LRTM2: variants seen among roughly 807,000 people sequenced by gnomAD.
LRTM2 encodes leucine rich repeat transmembrane protein 2.
Under a neutral mutation model 28.1 loss-of-function variants are expected in LRTM2, and 18 were observed. The ratio of observed to expected loss-of-function variants is 0.64; its 90% CI spans 0.44 to 0.95. LRTM2 has a LOEUF of 0.95. Ranked by LOEUF, LRTM2 falls within the 40% of genes least tolerant of loss-of-function variation. The pLI is 0.00. For synonymous variants in LRTM2, 250 were observed against 218.7 expected (o/e 1.14, Z -1.26); for missense variants, 436 against 497.2 (o/e 0.88, Z 1.17).
rs1324263360 is a variant in LRTM2, at chr12:1,820,611, C to G, written c.-462C>G. On this transcript the variant is annotated 5_prime_UTR_variant, in exon 1 of 5. Coordinates refer to ENST00000299194, the MANE Select transcript of LRTM2 (RefSeq NM_001039029.3). The surrounding 1 kb of genome is among the most constrained non-coding windows in gnomAD (Gnocchi z 6.0). Reference sequence around the variant, plus strand: ...TTTGTGACTGACCCAGCAGCCCCGTCCCCCGTCTGCCACAAGCAGTCCACC... The same window carrying G: ...TTTGTGACTGACCCAGCAGCCCCGTGCCCCGTCTGCCACAAGCAGTCCACC... The G allele has an allele frequency of 6.6e-6, 1 of 152,490 alleles. No individual in the cohort carries two copies. The highest frequency in any genetic ancestry group is 1.5e-5 in the Non-Finnish European group (1 of 68,214). The allele number at this position is 152,490 out of a possible 1,614,324, so 9.4% of individuals were successfully genotyped here.
intron 1 of LRTM2, among the ~76,000 whole-genome samples, chr12:1,823,001 G>GC (rs1864170700): frequency 6.6e-6 from 1 of 152,216 alleles, no homozygotes; most frequent in Admixed American, 6.5e-5. Flanking sequence ...CTTCTCTCTG[G>GC]CCTTCTGCAG....
At position 1,831,183 on chromosome 12, in the gene LRTM2, C is replaced by A. The variant is rs988240534; in HGVS notation, c.316C>A (p.Arg106=). 2.5e-6 allele frequency: 4 copies of A among 1,613,920 alleles called. No individual in the cohort carries two copies. In the Middle Eastern group the frequency reaches 4.9e-4, roughly 200 times the overall value. ...GGACCTGTCCAACAACTTCCTGGAC[C>A]GGCTGCCCCGCTCCATTTTCGGGGA... ...RLDLSNNFLD[R]LPRSIFGDLT... Residue 106 remains arginine (R), a synonymous_variant, in exon 4 of 5, where the codon CGG becomes AGG. Coordinates refer to ENST00000299194, the MANE Select transcript of LRTM2 (RefSeq NM_001039029.3).
At chr12:1,826,117 G>A (rs543632826) in intron 1 of LRTM2, among the ~76,000 whole-genome samples, 3 of 152,108 alleles carry the variant, frequency 2.0e-5, no homozygotes, top group Non-Finnish European at 2.9e-5. Context: ...AAAGAAAGCC[G>A]TCACAATAGA....
rs1592688788 is a variant in LRTM2 at position 1,829,635 on chromosome 12, A to G, written c.68-1300A>G. Reference sequence around the variant, plus strand: ...AGCTCCACCCTTTGGGACAGCAGACACCCAGACCCCTACTGGACAAGACTC... The same window carrying G: ...AGCTCCACCCTTTGGGACAGCAGACGCCCAGACCCCTACTGGACAAGACTC... On this transcript the variant is annotated intron_variant, in intron 3 of 4. Coordinates refer to ENST00000299194, the MANE Select transcript of LRTM2 (RefSeq NM_001039029.3). The surrounding 1 kb of genome is among the most constrained non-coding windows in gnomAD (Gnocchi z 4.2). Among the ~76,000 whole-genome samples the G allele has an allele frequency of 6.6e-6, 1 of 151,278 alleles. No individual in the cohort carries two copies.
rs1164401427 is a variant in LRTM2 at position 1,828,669 on chromosome 12, A to T, written c.67+454A>T. 5.3e-5 allele frequency among the ~76,000 whole-genome samples: 8 copies of T among 152,226 alleles called. No homozygotes were observed. In the South Asian group the frequency reaches 1.2e-3, roughly 24 times the overall value. On this transcript the variant is annotated intron_variant, in intron 3 of 4. Coordinates refer to ENST00000299194, the MANE Select transcript of LRTM2 (RefSeq NM_001039029.3). This position sits in a 1 kb window ranked among gnomAD's most constrained non-coding sequence, Gnocchi z 4.2. ...TCGGCCAGGAGCTGGGTCAGCTTGG[A>T]GATGTCTCTTATGCTCCTTATGCCT...
intron 1 of LRTM2, among the ~76,000 whole-genome samples, chr12:1,825,813 A>G (rs1166011527): frequency 1.3e-5 from 2 of 148,636 alleles, no homozygotes; most frequent in East Asian, 4.2e-4. Flanking sequence ...AGCAGCCTGC[A>G]GCCTGGCTCT....
Position 1,831,376 on chromosome 12 carries a change from C to T in LRTM2, c.509C>T (p.Ser170Leu), listed in dbSNP as rs750113466. The T allele has an allele frequency of 9.3e-6, 15 of 1,613,910 alleles. 1 individual carries two copies. The highest frequency in any genetic ancestry group is 8.9e-5 in the East Asian group (4 of 44,888). ...FDGLLALRSL[S>L]LRSNRLQNLD... ...GGGCTCCTGGCTCTGCGCTCCCTCT[C>T]GCTTCGCTCCAACCGTCTGCAGAAT... The change falls in exon 4 of 5, where the codon TCG becomes TTG. Residue 170 changes from serine to leucine, a missense_variant. Transcript: ENST00000299194.
Position 1,834,934 on chromosome 12 carries a change from C to A in LRTM2, c.*213C>A. ...TGGGGGCTCCTGCTGATGCTCCTGTCTGGGCCAGTAAATCTTTGGAACATG... is the reference window on the plus strand; with the variant it reads ...TGGGGGCTCCTGCTGATGCTCCTGTATGGGCCAGTAAATCTTTGGAACATG... On this transcript the variant is annotated 3_prime_UTR_variant, in exon 5 of 5. Coordinates refer to ENST00000299194, the MANE Select transcript of LRTM2 (RefSeq NM_001039029.3). The surrounding 1 kb of genome is among the most constrained non-coding windows in gnomAD (Gnocchi z 7.6). 2 of 843,748 alleles carry A rather than the reference C, an allele frequency of 2.4e-6. No homozygotes were observed. The highest frequency in any genetic ancestry group is 3.5e-6 in the Non-Finnish European group (2 of 569,102). 52.3% of individuals were successfully genotyped at this position (843,748 alleles called of 1,614,324 possible).
rs1461263197 is a variant in LRTM2, at chr12:1,829,529, G to A, written c.67+1314G>A. ...GCTGTTAGGCTGCAGGGAGGCCTGG[G>A]CCAGATCTAGCCACGTGTCAGCTCT... On this transcript the variant is annotated intron_variant, in intron 3 of 4. Coordinates refer to ENST00000299194, the MANE Select transcript of LRTM2 (RefSeq NM_001039029.3). This position sits in a 1 kb window ranked among gnomAD's most constrained non-coding sequence, Gnocchi z 4.2. Among the ~76,000 whole-genome samples the A allele has an allele frequency of 6.6e-6, 1 of 152,108 alleles. No individual in the cohort carries two copies. The highest frequency in any genetic ancestry group is 1.5e-5 in the Non-Finnish European group (1 of 68,018).
chr12:1,824,898 C>T (rs866476335), intron 1 of LRTM2, among the ~76,000 whole-genome samples: 3 of 152,292 alleles, frequency 2.0e-5, no homozygotes, highest in East Asian at 1.9e-4. Context: ...CTGCAAGCTG[C>T]GCTATTTTTC....
At position 1,828,437 on chromosome 12, in the gene LRTM2, CCTGGAG is replaced by C. The variant is rs1173812034; in HGVS notation, c.67+229_67+234del. Among the ~76,000 whole-genome samples the C allele has an allele frequency of 6.6e-6, 1 of 152,222 alleles. No individual in the cohort carries two copies. The highest frequency in any genetic ancestry group is 1.5e-5 in the Non-Finnish European group (1 of 68,034). On this transcript the variant is annotated intron_variant, in intron 3 of 4. Coordinates refer to ENST00000299194, the MANE Select transcript of LRTM2 (RefSeq NM_001039029.3). The surrounding 1 kb of genome is among the most constrained non-coding windows in gnomAD (Gnocchi z 4.2). ...CACCGCTGAGTGCTGAGTGGTTAGA[CCTGGAG>C]CTGGAGGCCACGACAGTTGTTCTAC...
Position 1,826,642 on chromosome 12 carries a change from TG to T in LRTM2, c.-258-763del, listed in dbSNP as rs1256188759. On this transcript the variant is annotated intron_variant, in intron 1 of 4. Coordinates refer to ENST00000299194, the MANE Select transcript of LRTM2 (RefSeq NM_001039029.3). ...TCGGCAGACTGGCACCCTCGCTGCG[TG>T]GGGGAAGGGGAGGAAAGACAGCCGA... 2.0e-5 allele frequency among the ~76,000 whole-genome samples: 3 copies of T among 152,022 alleles called. No individual in the cohort carries two copies. The East Asian group carries it at 5.8e-4, about 29-fold the overall frequency.
rs1157942556 is a variant in LRTM2 at position 1,835,637 on chromosome 12, C to T, written c.*916C>T. Reference sequence around the variant, plus strand: ...TCTAAAGTGGGCCAAAGTGGTGCCCCTGGAGGAGCCCTCCTGTCACCATGG... The same window carrying T: ...TCTAAAGTGGGCCAAAGTGGTGCCCTTGGAGGAGCCCTCCTGTCACCATGG... On this transcript the variant is annotated 3_prime_UTR_variant, in exon 5 of 5. Transcript: ENST00000299194. 6.5e-6 allele frequency: 1 copy of T among 152,688 alleles called. No individual in the cohort carries two copies. The allele number at this position is 152,688 out of a possible 1,614,324, so 9.5% of individuals were successfully genotyped here.
intron 1 of LRTM2, among the ~76,000 whole-genome samples, chr12:1,823,544 C>T (rs1864196195): frequency 6.6e-6 from 1 of 152,010 alleles, no homozygotes; most frequent in African/African-American, 2.4e-5. Context: ...CCTACTGGGG[C>T]CTCCTGCTCC....
intron 1 of LRTM2, among the ~76,000 whole-genome samples, 158 bp from the exon 2 acceptor site, chr12:1,827,252 C>T (rs1864375868): frequency 6.6e-6 from 1 of 150,830 alleles, no homozygotes; most frequent in Admixed American, 6.6e-5. Flanking sequence ...CAGCACACAG[C>T]CTGTGTCCCA....
chr12:1,825,596 G>A (rs576337855), intron 1 of LRTM2, among the ~76,000 whole-genome samples: 4 of 152,324 alleles, frequency 2.6e-5, no homozygotes, highest in South Asian at 2.1e-4. Context: ...AGCCAGGTGC[G>A]TGTGTGCATG....
At position 1,828,379 on chromosome 12, in the gene LRTM2, G is replaced by A. The variant is rs913510876; in HGVS notation, c.67+164G>A. ...CTATGTTCTGGGAAGCCAGGGTCACGCCCACGGTGACAGCATCCCTGCCAG... is the reference window on the plus strand; with the variant it reads ...CTATGTTCTGGGAAGCCAGGGTCACACCCACGGTGACAGCATCCCTGCCAG... On this transcript the variant is annotated intron_variant, in intron 3 of 4. Transcript: ENST00000299194. This position sits in a 1 kb window ranked among gnomAD's most constrained non-coding sequence, Gnocchi z 4.2. Among the ~76,000 whole-genome samples the A allele has an allele frequency of 9.2e-5, 14 of 152,352 alleles. No homozygotes were observed. The highest frequency in any genetic ancestry group is 2.6e-4 in the Admixed American group (4 of 15,310).
At chr12:1,832,336 TA>T (rs1864671679) in intron 4 of LRTM2, among the ~76,000 whole-genome samples, 1 of 152,200 alleles carries the variant, frequency 6.6e-6, no homozygotes, top group Non-Finnish European at 1.5e-5. Context: ...GTAGGGTCAT[TA>T]TGAGAATTAA....
chr12:1,831,299 C>T lies in LRTM2; in HGVS notation c.432C>T (p.His144=). The T allele has an allele frequency of 6.2e-7, 1 of 1,613,764 alleles. No homozygotes were observed. Among genetic ancestry groups the T allele is most frequent in the South Asian group, 1.1e-5 (1 of 91,088 alleles). The change falls in exon 4 of 5, where the codon CAC becomes CAT. Residue 144 remains histidine, a synonymous_variant. Transcript: ENST00000299194. ...TGCGGCACTCGCCGCTGCTCCGCCA[C>T]CTGGACCTGTCCATCAACGGCCTGG... The part of the protein sequence containing the change: ...DLLRHSPLLR[H]LDLSINGLAQ...
Sources: gnomAD v4.1 joint callset for allele counts (sites outside exome capture counted in the v4.1 genomes callset) on GRCh38, gnomAD v4.1.1 for gene constraint, Gnocchi (gnomAD v3.1) non-coding constraint, MANE v1.5 for transcripts, NCBI Gene and HGNC (gene_info 2026-07-23, HGNC 2026-07-21) for gene names.